TCF4: variants seen among roughly 807,000 people sequenced by gnomAD.
TCF4 encodes transcription factor 4, also known as SL3-3 enhancer factor 2.
In TCF4, 3 loss-of-function variants were observed where a neutral mutation model predicts 82.1. That is an observed-to-expected ratio of 0.04 (90% confidence interval 0.02 to 0.09). The LOEUF is 0.09. TCF4 is among the 10% of genes least tolerant of loss of function. The pLI is 1.00. For missense variants in TCF4, 518 were observed against 852.7 expected (o/e 0.61, Z 4.89); for synonymous variants, 276 against 309.6 (o/e 0.89, Z 1.14).
In TCF4 at chr18:55,362,339, G is replaced by GAGGAAGGAAGGAAGGA. The variant is rs765447444; in HGVS notation, c.370-11352_370-11337dup. 3.1e-3 allele frequency among the ~76,000 whole-genome samples: 211 copies of GAGGAAGGAAGGAAGGA among 68,572 alleles called. 4 individuals carry two copies. Among genetic ancestry groups the GAGGAAGGAAGGAAGGA allele is most frequent in the Non-Finnish European group, 3.4e-3 (129 of 38,132 alleles). The allele number at this position is 68,572 out of a possible 152,430, so 45.0% of individuals were successfully genotyped here. A position where few individuals can be genotyped will look rare whatever the true frequency, so the allele number is the denominator to read the frequency against. On this transcript the variant is annotated intron_variant, in intron 6 of 19. Coordinates refer to ENST00000354452, the MANE Select transcript of TCF4 (RefSeq NM_001083962.2). ...TCCAAAAACAAAAACAAAAAAAAAA[G>GAGGAAGGAAGGAAGGA]AGGAAGGAAGGAAGGAAGGAAGGAA... is the stretch of plus-strand genomic sequence containing the variant.
At position 55,254,671 on chromosome 18, in the gene TCF4, T is replaced by C. The variant is rs2056320930; in HGVS notation, c.1176A>G (p.Arg392=). ...GGAGAACATGAATAGCATCATCCAG[T>C]CTTTCTAAACGATCTTCAATTCGGC... The part of the protein sequence containing the change: ...LQSRIEDRLE[R]LDDAIHVLRN... Residue 392 remains arginine (R), a synonymous_variant, in exon 15 of 20, where the codon AGA becomes AGG. Coordinates refer to ENST00000354452, the MANE Select transcript of TCF4 (RefSeq NM_001083962.2). 2 of 1,612,724 alleles carry C rather than the reference T, an allele frequency of 1.2e-6. No homozygotes were observed. Among genetic ancestry groups the C allele is most frequent in the African/African-American group, 2.7e-5 (2 of 74,888 alleles).
intron 8 of TCF4, among the ~76,000 whole-genome samples, chr18:55,299,179 G>C (rs1350088989): frequency 6.6e-6 from 1 of 152,174 alleles, no homozygotes; most frequent in East Asian, 1.9e-4. Flanking sequence ...GGGAGGCCGA[G>C]GTGGGCGGAT....
At chr18:55,359,799 C>T (rs1033218998) in intron 6 of TCF4, among the ~76,000 whole-genome samples, 22 of 152,318 alleles carry the variant, frequency 1.4e-4, no homozygotes, top group African/African-American at 5.1e-4. Context: ...CTGCTGATTC[C>T]TAATTACACT....
intron 3 of TCF4, among the ~76,000 whole-genome samples, chr18:55,497,002 A>T (rs1163619284): frequency 6.6e-6 from 1 of 152,122 alleles, no homozygotes; most frequent in Non-Finnish European, 1.5e-5. Context: ...TGATACTCGT[A>T]AGGCAAAAAA....
At position 55,633,025 on chromosome 18, in the gene TCF4, G is replaced by C. The variant is rs1323834278; in HGVS notation, c.196-1637C>G. 6.6e-6 allele frequency among the ~76,000 whole-genome samples: 1 copy of C among 152,140 alleles called. No homozygotes were observed. The highest frequency in any genetic ancestry group is 1.5e-5 in the Non-Finnish European group (1 of 68,022). On this transcript the variant is annotated intron_variant, in intron 1 of 20. Coordinates refer to the TCF4 transcript ENST00000398339. This position sits in a 1 kb window ranked among gnomAD's most constrained non-coding sequence, Gnocchi z 4.0. ...CTTTGGTCAGTGGATGGTAAATGAA[G>C]GTTTTCTTATGTATTAGTTATCAAT...
chr18:55,343,188 A>T (rs1244500653), intron 8 of TCF4, among the ~76,000 whole-genome samples: 1 of 152,162 alleles, frequency 6.6e-6, no homozygotes, highest in Non-Finnish European at 1.5e-5. Flanking sequence ...AGAAAATATA[A>T]GTCTTTCTAA....
chr18:55,591,365 T>TGGC (rs2097685061), upstream of TCF4: 1 of 152,284 alleles, frequency 6.6e-6, no homozygotes. Flanking sequence ...GAAATTCCAC[T>TGGC]GGCTCTACCT....
chr18:55,408,729 A>C (rs1359719303), intron 5 of TCF4, among the ~76,000 whole-genome samples: 1 of 152,168 alleles, frequency 6.6e-6, no homozygotes, highest in African/African-American at 2.4e-5. Context: ...ACACAGGTAC[A>C]AGTGACAGAG....
chr18:55,431,066 T>G (rs2095175169), intron 5 of TCF4, among the ~76,000 whole-genome samples: 1 of 152,122 alleles, frequency 6.6e-6, no homozygotes, highest in Admixed American at 6.5e-5. Flanking sequence ...GAGACACAAG[T>G]TAGAAGAAGC....
At chr18:55,321,562 G>T in intron 8 of TCF4, 1 of 1,453,040 alleles carries the variant, frequency 6.9e-7, no homozygotes, top group Non-Finnish European at 9.3e-7. Context: ...ACCCAGGAAG[G>T]TGCGGCAGTC....
chr18:55,388,300 C>T (rs919530029), intron 6 of TCF4, among the ~76,000 whole-genome samples: 1 of 152,148 alleles, frequency 6.6e-6, no homozygotes, highest in Admixed American at 6.5e-5. Context: ...GCTGGTGTTG[C>T]ACTTCTCCCC....
At chr18:55,577,091 CATTTATAT>C (rs1217626672) in intron 3 of TCF4, among the ~76,000 whole-genome samples, 1 of 142,540 alleles carries the variant, frequency 7.0e-6, no homozygotes, top group Admixed American at 7.1e-5. Context: ...ATTATATATA[CATTTATAT>C]ATTTATATAT....
At chr18:55,406,126 CT>C (rs34522468) in intron 5 of TCF4, among the ~76,000 whole-genome samples, 9,721 of 115,964 alleles carry the variant, frequency 0.084, 554 homozygotes, top group African/African-American at 0.18. Flanking sequence ...GGGAGGTGGA[CT>C]TTTTTTTTTT....
At chr18:55,587,023 A>AC (rs1306894006) in intron 2 of TCF4, 22 bp downstream of exon 2, 18 of 1,607,172 alleles carry the variant, frequency 1.1e-5, no homozygotes, top group Non-Finnish European at 1.5e-5. Context: ...AGCTGTTGTT[A>AC]GTTTCCACCG....
rs552266895 is a variant in TCF4, at chr18:55,400,886, G to A, written c.369+2568C>T. ...TCCATAGGATACACTGTTATAATACGATAAAGCAGCTTTTGGAGCTCCTTA... is the reference window on the plus strand; with the variant it reads ...TCCATAGGATACACTGTTATAATACAATAAAGCAGCTTTTGGAGCTCCTTA... On this transcript the variant is annotated intron_variant, in intron 6 of 19. Coordinates refer to ENST00000354452, the MANE Select transcript of TCF4 (RefSeq NM_001083962.2). 8.1e-4 allele frequency: 890 copies of A among 1,099,592 alleles called. 5 individuals are homozygous for A. The highest frequency in any genetic ancestry group is 1.9e-3 in the South Asian group (147 of 76,402). 68.1% of individuals were successfully genotyped at this position (1,099,592 alleles called of 1,614,324 possible).
chr18:55,557,406 C>G (rs1030332393), intron 3 of TCF4, among the ~76,000 whole-genome samples: 1 of 151,850 alleles, frequency 6.6e-6, no homozygotes, highest in Non-Finnish European at 1.5e-5. Context: ...GATGCCATCT[C>G]TAAATGACAA....
intron 6 of TCF4, among the ~76,000 whole-genome samples, chr18:55,372,651 C>T (rs2089603960): frequency 3.3e-5 from 5 of 151,368 alleles, no homozygotes; most frequent in Admixed American, 3.3e-4. Context: ...AATGACAAAT[C>T]AACCCAAAAA....
At chr18:55,494,410 T>A (rs1025020341) in intron 3 of TCF4, among the ~76,000 whole-genome samples, 1 of 152,030 alleles carries the variant, frequency 6.6e-6, no homozygotes, top group Non-Finnish European at 1.5e-5. Flanking sequence ...TAGAGAGTCT[T>A]TTAAGATTAG....
intron 6 of TCF4, among the ~76,000 whole-genome samples, chr18:55,371,309 C>G (rs2089092363): frequency 6.6e-6 from 1 of 152,136 alleles, no homozygotes; most frequent in Non-Finnish European, 1.5e-5. Flanking sequence ...GATGAGGGGG[C>G]CATAGGGCCA....
Sources: gnomAD v4.1 joint callset for allele counts (sites outside exome capture counted in the v4.1 genomes callset) on GRCh38, gnomAD v4.1.1 for gene constraint, Gnocchi (gnomAD v3.1) non-coding constraint, MANE v1.5 for transcripts, NCBI Gene and HGNC (gene_info 2026-07-23, HGNC 2026-07-21) for gene names.